IPCEF1: variants seen among roughly 807,000 people sequenced by gnomAD.
The protein encoded by IPCEF1 is interactor protein for cytohesin exchange factors 1.
In IPCEF1, 31 loss-of-function variants were observed where a neutral mutation model predicts 50.9. The observed-to-expected ratio is 0.61, with a 90% CI of 0.46 to 0.82. IPCEF1 has a LOEUF of 0.82. Ranked by LOEUF, IPCEF1 falls within the 40% of genes least tolerant of loss-of-function variation. IPCEF1 has a pLI of 0.00. For missense variants in IPCEF1, 458 were observed against 514.0 expected (o/e 0.89, Z 1.05); for synonymous variants, 181 against 192.0 (o/e 0.94, Z 0.47).
intron 1 of IPCEF1, among the ~76,000 whole-genome samples, chr6:154,293,130 C>T (rs933604485): frequency 2.6e-5 from 4 of 152,156 alleles, no homozygotes; most frequent in Admixed American, 6.6e-5. Context: ...GTTTGGGAAT[C>T]GGTGTATGTA....
chr6:154,286,744 G>A (rs1782369409), intron 2 of IPCEF1, among the ~76,000 whole-genome samples: 1 of 152,212 alleles, frequency 6.6e-6, no homozygotes, highest in Non-Finnish European at 1.5e-5. Context: ...GCGGTGAAGA[G>A]TCTGAACTTT....
chr6:154,252,593 T>C (rs1325211590), intron 3 of IPCEF1, among the ~76,000 whole-genome samples: 1 of 152,120 alleles, frequency 6.6e-6, no homozygotes, highest in Non-Finnish European at 1.5e-5. Context: ...GAGAACTGCT[T>C]GAACCCCAGA....
Position 154,273,711 on chromosome 6 carries a change from TC to T in IPCEF1, c.-17-7748del, listed in dbSNP as rs369280382. On this transcript the variant is annotated intron_variant, in intron 2 of 11. Coordinates refer to ENST00000367220, the MANE Select transcript of IPCEF1 (RefSeq NM_001130700.2). The stretch of plus-strand genomic sequence containing the variant: ...TTTTAAGCTTTTTTCTTTTTTTCTT[TC>T]TTTCTTTCTTTCTTTTTTTTTTTTT... 4.4e-4 allele frequency among the ~76,000 whole-genome samples: 41 copies of T among 93,774 alleles called. 1 individual carries two copies. Among genetic ancestry groups the T allele is most frequent in the African/African-American group, 1.1e-3 (30 of 27,078 alleles). The allele number at this position is 93,774 out of a possible 152,430, so 61.5% of individuals were successfully genotyped here.
chr6:154,250,212 G>A (rs1009944329), intron 3 of IPCEF1, among the ~76,000 whole-genome samples: 9 of 150,276 alleles, frequency 6.0e-5, no homozygotes, highest in Admixed American at 2.0e-4. Context: ...GAACTAGTCC[G>A]TTTCAAAATG....
intron 1 of IPCEF1, among the ~76,000 whole-genome samples, chr6:154,341,481 A>G (rs1014460985): frequency 6.6e-6 from 1 of 152,210 alleles, no homozygotes; most frequent in African/African-American, 2.4e-5. Context: ...AAAGATTAGC[A>G]TGAGAAAGAT....
chr6:154,333,960 T>C (rs1783734179), intron 1 of IPCEF1, among the ~76,000 whole-genome samples: 1 of 152,146 alleles, frequency 6.6e-6, no homozygotes, highest in Non-Finnish European at 1.5e-5. Context: ...ATATCCACCA[T>C]CTTCATGTAC....
At chr6:154,202,826 A>G (rs570780027) in intron 9 of IPCEF1, among the ~76,000 whole-genome samples, 1 of 152,008 alleles carries the variant, frequency 6.6e-6, no homozygotes, top group South Asian at 2.1e-4. Flanking sequence ...CCACTTATAA[A>G]TTTCATTTTT....
intron 10 of IPCEF1, among the ~76,000 whole-genome samples, chr6:154,198,856 T>C (rs189695449): frequency 6.6e-6 from 1 of 152,182 alleles, no homozygotes; most frequent in African/African-American, 2.4e-5. Flanking sequence ...CAACTTTCTC[T>C]CAATGGCACA....
At chr6:154,243,773 T>A (rs1010340943) in intron 5 of IPCEF1, among the ~76,000 whole-genome samples, 1 of 152,180 alleles carries the variant, frequency 6.6e-6, no homozygotes, top group African/African-American at 2.4e-5. Flanking sequence ...TGAATGTGAA[T>A]CTGTTTTTTT....
chr6:154,246,910 A>G (rs201735422), intron 4 of IPCEF1, 150 bp from the exon 5 acceptor site: 17 of 626,194 alleles, frequency 2.7e-5, no homozygotes, highest in Non-Finnish European at 3.5e-5. Flanking sequence ...TGCAAAGCCT[A>G]TGCAAAACCT....
intron 3 of IPCEF1, among the ~76,000 whole-genome samples, chr6:154,247,904 A>G (rs185862842): frequency 6.6e-6 from 1 of 152,338 alleles, no homozygotes; most frequent in African/African-American, 2.4e-5. Context: ...ATAAACCTGG[A>G]AGATAATTGT....
At chr6:154,313,189 T>C (rs2128681960) in intron 1 of IPCEF1, among the ~76,000 whole-genome samples, 1 of 150,786 alleles carries the variant, frequency 6.6e-6, no homozygotes, top group South Asian at 2.1e-4. Context: ...CTGGCCAACA[T>C]GGTAAAACCC....
At chr6:154,167,617 A>G (rs1799543766) in intron 11 of IPCEF1, among the ~76,000 whole-genome samples, 1 of 152,194 alleles carries the variant, frequency 6.6e-6, no homozygotes, top group South Asian at 2.1e-4. Flanking sequence ...TGCTAGGTAT[A>G]AGGGTTAAAA....
intron 1 of IPCEF1, among the ~76,000 whole-genome samples, chr6:154,295,787 C>G (rs1414047618): frequency 6.6e-6 from 1 of 152,136 alleles, no homozygotes; most frequent in African/African-American, 2.4e-5. Flanking sequence ...TTGCAATACT[C>G]CTGGTCATGC....
chr6:154,221,031 CT>C (rs1365826854), intron 7 of IPCEF1, among the ~76,000 whole-genome samples: 1 of 152,202 alleles, frequency 6.6e-6, no homozygotes, highest in Non-Finnish European at 1.5e-5. Flanking sequence ...CCTTTTTCAA[CT>C]TAGTGGTTCC....
chr6:154,315,134 T>C (rs1783182665), intron 1 of IPCEF1, among the ~76,000 whole-genome samples: 1 of 152,162 alleles, frequency 6.6e-6, no homozygotes, highest in African/African-American at 2.4e-5. Context: ...CTGCCCGCCT[T>C]GGCTTCCCAA....
chr6:154,218,215 G>T (rs1300724314), intron 7 of IPCEF1, among the ~76,000 whole-genome samples: 2 of 152,158 alleles, frequency 1.3e-5, no homozygotes, highest in Admixed American at 1.3e-4. Flanking sequence ...ATATTAACTT[G>T]ACGTGAATGT....
In IPCEF1 at chr6:154,158,462, A is replaced by T. The variant is rs867638065; in HGVS notation, c.*1366T>A. The T allele has an allele frequency of 6.6e-6, 1 of 152,376 alleles. No homozygotes were observed. The highest frequency in any genetic ancestry group is 3.4e-3 in the Middle Eastern group (1 of 294). The allele number at this position is 152,376 out of a possible 1,614,324, so 9.4% of individuals were successfully genotyped here. ...CTTTGGTCTAAGGTTTGCAGGCATA[A>T]ATGGCACAAAGCTTAAAGTTTATTT... On this transcript the variant is annotated 3_prime_UTR_variant, in exon 12 of 12. Coordinates refer to ENST00000367220, the MANE Select transcript of IPCEF1 (RefSeq NM_001130700.2).
intron 5 of IPCEF1, among the ~76,000 whole-genome samples, chr6:154,224,755 T>C (rs1375346032): frequency 6.6e-6 from 1 of 152,086 alleles, no homozygotes; most frequent in Non-Finnish European, 1.5e-5. Flanking sequence ...AACTCAATTC[T>C]AATGGGCACT....
Sources: gnomAD v4.1 joint callset for allele counts (sites outside exome capture counted in the v4.1 genomes callset) on GRCh38, gnomAD v4.1.1 for gene constraint, MANE v1.5 for transcripts, NCBI Gene and HGNC (gene_info 2026-07-23, HGNC 2026-07-21) for gene names.